NBEA: variants seen among roughly 807,000 people sequenced by gnomAD.
The protein encoded by NBEA is lysosomal-trafficking regulator 2.
A neutral mutation model predicts 343.4 loss-of-function variants in NBEA; 44 were observed. The observed-to-expected ratio is 0.13, with a 90% confidence interval of 0.10 to 0.16. NBEA has a LOEUF of 0.16. NBEA is among the 10% of genes least tolerant of loss of function. The probability of loss-of-function intolerance (pLI) is 1.00; values close to 1 mark genes in which losing one functional copy is unlikely to be tolerated. For missense variants in NBEA, 2,555 were observed against 3,631.3 expected, an observed-to-expected ratio of 0.70 and a Z score of 7.62; for synonymous variants, 1,175 against 1,238.7, an observed-to-expected ratio of 0.95 and a Z score of 1.08.
intron 47 of NBEA, among the ~76,000 whole-genome samples, chr13:35,603,313 A>C (rs1251120205): frequency 1.3e-5 from 2 of 152,180 alleles, no homozygotes; most frequent in Non-Finnish European, 2.9e-5. Flanking sequence ...GGATCCAACA[A>C]AACATAAACC....
At chr13:35,530,748 A>G (rs948341897) in intron 41 of NBEA, among the ~76,000 whole-genome samples, 2 of 151,498 alleles carry the variant, frequency 1.3e-5, no homozygotes, top group Non-Finnish European at 2.9e-5. Flanking sequence ...GATCTGCACA[A>G]TGGAGGAAAA....
At chr13:35,244,373 C>A (rs1184893059) in intron 34 of NBEA, among the ~76,000 whole-genome samples, 2 of 152,000 alleles carry the variant, frequency 1.3e-5, no homozygotes, top group African/African-American at 4.8e-5. Context: ...GAAAGAGTAT[C>A]CTTTCCCCAC....
At chr13:35,024,686 A>AATAAAATAAAATAAC (rs1422052848) in intron 1 of NBEA, among the ~76,000 whole-genome samples, 2 of 152,162 alleles carry the variant, frequency 1.3e-5, no homozygotes, top group Non-Finnish European at 2.9e-5. Context: ...TCTCAAAATA[A>AATAAAATAAAATAAC]ATAAAATAAA....
chr13:35,086,658 C>T (rs1177649592), intron 10 of NBEA, among the ~76,000 whole-genome samples: 1 of 151,918 alleles, frequency 6.6e-6, no homozygotes, highest in Non-Finnish European at 1.5e-5. Flanking sequence ...GATTTCCTTT[C>T]CTTTGGATAA....
chr13:35,555,656 G>C (rs1450704743), intron 44 of NBEA, among the ~76,000 whole-genome samples: 1 of 152,022 alleles, frequency 6.6e-6, no homozygotes, highest in Non-Finnish European at 1.5e-5. Flanking sequence ...CTAAATCAGT[G>C]GTTGTCAGTG....
chr13:35,475,885 A>G, intron 41 of NBEA: 1 of 1,613,982 alleles, frequency 6.2e-7, no homozygotes, highest in Non-Finnish European at 8.5e-7. Flanking sequence ...GAAGTTGAAC[A>G]CCCCCATTTG....
In NBEA at chr13:35,159,641, AACT is replaced by A; in HGVS notation, c.3474_3476del (p.Leu1159del). On this transcript the variant is annotated inframe_deletion, in exon 22 of 59. Coordinates refer to ENST00000379939, the MANE Select transcript of NBEA (RefSeq NM_001385012.1). Reference sequence around the variant, plus strand: ...GATAAAATACCCAAACAGGAGGAAAAACTACTTCCTGAACTTTCTAGCAATCAC... The same window carrying A: ...GATAAAATACCCAAACAGGAGGAAAAACTTCCTGAACTTTCTAGCAATCAC... 1 of 1,611,204 alleles carries A rather than the reference AACT, an allele frequency of 6.2e-7. No individual in the cohort carries two copies. The highest frequency in any genetic ancestry group is 8.5e-7 in the Non-Finnish European group (1 of 1,178,716).
chr13:35,391,274 CAAAA>C (rs76463042), intron 38 of NBEA, among the ~76,000 whole-genome samples: 2 of 97,226 alleles, frequency 2.1e-5, no homozygotes, highest in Non-Finnish European at 4.3e-5. Flanking sequence ...GACTTGATCT[CAAAA>C]AAAAAAAAAA....
At chr13:35,200,478 G>A (rs1368473604) in intron 31 of NBEA, among the ~76,000 whole-genome samples, 5 of 147,746 alleles carry the variant, frequency 3.4e-5, no homozygotes, top group African/African-American at 1.2e-4. Context: ...AAAAAATAGA[G>A]GGCAATGTGC....
chr13:35,474,095 T>C (rs1010482414), intron 41 of NBEA: 2 of 152,242 alleles, frequency 1.3e-5, no homozygotes, highest in African/African-American at 2.4e-5. Flanking sequence ...TTTTAAGGAT[T>C]TCATTAGCAT....
At chr13:35,482,271 T>A (rs999464941) in intron 41 of NBEA, among the ~76,000 whole-genome samples, 1 of 151,554 alleles carries the variant, frequency 6.6e-6, no homozygotes, top group African/African-American at 2.4e-5. Context: ...AAATAAATGG[T>A]TTACAGAAAA....
At chr13:35,296,333 A>C (rs2036128311) in intron 35 of NBEA, among the ~76,000 whole-genome samples, 1 of 151,324 alleles carries the variant, frequency 6.6e-6, no homozygotes, top group Admixed American at 6.6e-5. Flanking sequence ...TTTAGCTGAG[A>C]TTGCACCACT....
At chr13:35,188,701 A>C (rs1163931576) in intron 30 of NBEA, among the ~76,000 whole-genome samples, 3 of 152,080 alleles carry the variant, frequency 2.0e-5, no homozygotes, top group Admixed American at 1.3e-4. Flanking sequence ...TGGGGTGCAC[A>C]TACCTCTTTC....
intron 18 of NBEA, among the ~76,000 whole-genome samples, chr13:35,144,242 G>C (rs557750121): frequency 6.6e-6 from 1 of 152,144 alleles, no homozygotes; most frequent in African/African-American, 2.4e-5. Flanking sequence ...CTACCTTTAT[G>C]AATTTCTTCT....
intron 11 of NBEA, among the ~76,000 whole-genome samples, chr13:35,105,758 A>T (rs1593360559): frequency 6.6e-6 from 1 of 152,106 alleles, no homozygotes; most frequent in African/African-American, 2.4e-5. Flanking sequence ...TATTTGGAGC[A>T]CAACCTTGGA....
intron 49 of NBEA, among the ~76,000 whole-genome samples, chr13:35,640,059 T>C (rs952340037): frequency 6.6e-6 from 1 of 152,218 alleles, no homozygotes; most frequent in African/African-American, 2.4e-5. Flanking sequence ...ACGAAAGTTT[T>C]TGCCTACCAC....
At chr13:34,964,959 A>G (rs1000407486) in intron 1 of NBEA, among the ~76,000 whole-genome samples, 10 of 152,152 alleles carry the variant, frequency 6.6e-5, no homozygotes, top group African/African-American at 2.2e-4. Flanking sequence ...TGTTCTAGCA[A>G]TGACTTATCT....
intron 38 of NBEA, among the ~76,000 whole-genome samples, chr13:35,414,943 T>C: frequency 6.6e-6 from 1 of 152,206 alleles, no homozygotes. Context: ...TGTGAGATGG[T>C]ATCTCATTGT....
At chr13:35,253,654 T>C (rs1003309672) in intron 34 of NBEA, among the ~76,000 whole-genome samples, 3 of 152,324 alleles carry the variant, frequency 2.0e-5, no homozygotes, top group Non-Finnish European at 4.4e-5. Context: ...TAAATGGAGT[T>C]TTATTGAAAT....
Sources: allele counts gnomAD v4.1 joint callset (sites outside exome capture counted in the v4.1 genomes callset), GRCh38; gene constraint gnomAD v4.1.1; transcripts MANE v1.5; gene names NCBI Gene and HGNC (gene_info 2026-07-23, HGNC 2026-07-21).